ANK3: variants seen among roughly 807,000 people sequenced by gnomAD.
ANK3 encodes ankyrin-3.
ANK3 carries 57 observed loss-of-function variants against 370.9 expected under a neutral mutation model. That is an observed-to-expected ratio of 0.15 (90% CI 0.12 to 0.19). The LOEUF (loss-of-function observed/expected upper bound fraction) is 0.19. Ranked by LOEUF, ANK3 falls within the 10% of genes least tolerant of loss-of-function variation. ANK3 has a pLI of 1.00. For synonymous variants in ANK3, 1,929 were observed against 1,946.3 expected (o/e 0.99, Z 0.23); for missense variants, 4,439 against 5,302.1 (o/e 0.84, Z 5.06).
intron 2 of ANK3, among the ~76,000 whole-genome samples, chr10:60,493,079 CAAAAAA>C (rs1268736795): frequency 8.2e-6 from 1 of 121,564 alleles, no homozygotes. Flanking sequence ...GACTCCTTCT[CAAAAAA>C]AAAAAAAAAA....
At chr10:60,093,327 C>T (rs907963523) in intron 28 of ANK3, among the ~76,000 whole-genome samples, 1 of 152,222 alleles carries the variant, frequency 6.6e-6, no homozygotes, top group Non-Finnish European at 1.5e-5. Context: ...ACAAAGATGT[C>T]ATGTTCTCCT....
At chr10:60,731,168 C>A (rs1384260689) in intron 1 of ANK3, among the ~76,000 whole-genome samples, 1 of 151,962 alleles carries the variant, frequency 6.6e-6, no homozygotes, top group Admixed American at 6.6e-5. Flanking sequence ...TCTCAGTTAT[C>A]AACATATTAT....
At chr10:60,043,577 C>T (rs563251028) in intron 42 of ANK3, 42 of 985,264 alleles carry the variant, frequency 4.3e-5, no homozygotes, top group East Asian at 1.1e-4. Context: ...CCTCCTCAGA[C>T]GAAGATGGAG....
At chr10:60,428,092 C>G (rs536932844) in intron 2 of ANK3, among the ~76,000 whole-genome samples, 47 of 152,234 alleles carry the variant, frequency 3.1e-4, no homozygotes, top group African/African-American at 1.1e-3. Context: ...TTCTAATACC[C>G]AATTCTGAAA....
intron 2 of ANK3, among the ~76,000 whole-genome samples, chr10:60,561,667 A>C (rs1201204938): frequency 1.3e-5 from 2 of 152,224 alleles, no homozygotes; most frequent in African/African-American, 4.8e-5. Context: ...AAATCTTTAA[A>C]GTTCATGCCA....
intron 2 of ANK3, among the ~76,000 whole-genome samples, chr10:60,470,720 A>G (rs2065196862): frequency 6.6e-6 from 1 of 152,168 alleles, no homozygotes; most frequent in Admixed American, 6.6e-5. Flanking sequence ...AAAGAACCAC[A>G]CAGACCAATA....
intron 1 of ANK3, among the ~76,000 whole-genome samples, chr10:60,712,913 C>G (rs1482524181): frequency 6.6e-6 from 1 of 152,068 alleles, no homozygotes; most frequent in Admixed American, 6.6e-5. Flanking sequence ...GAAGACATAA[C>G]TATTAATATG....
intron 2 of ANK3, chr10:60,572,564 T>C (rs1353627058): frequency 2.0e-6 from 3 of 1,530,084 alleles, no homozygotes. Flanking sequence ...AAAAGACAGA[T>C]CACCGCCGGT....
chr10:60,300,380 A>G (rs2132797095), intron 1 of ANK3: 3 of 1,289,798 alleles, frequency 2.3e-6, no homozygotes, highest in African/African-American at 3.0e-5. Context: ...AAGAAACCTG[A>G]TAACTCAATT....
intron 1 of ANK3, among the ~76,000 whole-genome samples, chr10:60,367,034 A>C (rs1387671458): frequency 6.6e-6 from 1 of 152,214 alleles, no homozygotes; most frequent in Non-Finnish European, 1.5e-5. Flanking sequence ...CTCCTTTCCC[A>C]ACATCGTTCT....
At chr10:60,470,675 G>A (rs973562326) in intron 2 of ANK3, among the ~76,000 whole-genome samples, 3 of 152,016 alleles carry the variant, frequency 2.0e-5, no homozygotes, top group Non-Finnish European at 2.9e-5. Context: ...CCAAAGCCCC[G>A]CTCTTACTGC....
At chr10:60,381,178 C>T (rs1361806929) in intron 1 of ANK3, among the ~76,000 whole-genome samples, 1 of 152,112 alleles carries the variant, frequency 6.6e-6, no homozygotes, top group East Asian at 1.9e-4. Flanking sequence ...AATACATAAA[C>T]TATATAATGA....
intron 28 of ANK3, among the ~76,000 whole-genome samples, chr10:60,090,428 T>A (rs2087979682): frequency 6.6e-6 from 1 of 152,034 alleles, no homozygotes; most frequent in South Asian, 2.1e-4. Context: ...AAGCATAATA[T>A]AAAAGGTAAT....
intron 13 of ANK3, among the ~76,000 whole-genome samples, chr10:60,199,814 G>C (rs1169225162): frequency 6.6e-6 from 1 of 152,124 alleles, no homozygotes; most frequent in Non-Finnish European, 1.5e-5. Flanking sequence ...TTGTGCATAA[G>C]CCCTTCTCCA....
At chr10:60,404,631 AT>A (rs1247164701) in intron 2 of ANK3, among the ~76,000 whole-genome samples, 1 of 152,174 alleles carries the variant, frequency 6.6e-6, no homozygotes, top group Non-Finnish European at 1.5e-5. Flanking sequence ...AGAAGAAAAC[AT>A]AGGAAAATAT....
intron 2 of ANK3, among the ~76,000 whole-genome samples, chr10:60,520,861 T>G (rs1042402160): frequency 3.3e-5 from 5 of 152,132 alleles, no homozygotes; most frequent in Non-Finnish European, 7.4e-5. Context: ...TTATACACAG[T>G]GACATGTTTC....
intron 5 of ANK3, among the ~76,000 whole-genome samples, chr10:60,268,005 T>C (rs1027187749): frequency 1.3e-5 from 2 of 152,144 alleles, no homozygotes; most frequent in Non-Finnish European, 2.9e-5. Context: ...AGTTTGTTCT[T>C]TTTTGTTTGT....
chr10:60,108,576 T>C (rs1176858769), intron 27 of ANK3, among the ~76,000 whole-genome samples: 5 of 152,138 alleles, frequency 3.3e-5, no homozygotes, highest in African/African-American at 7.2e-5. Flanking sequence ...CCACTGGGGT[T>C]CCGTGCACTT....
At chr10:60,367,206 C>A (rs938527656) in intron 1 of ANK3, among the ~76,000 whole-genome samples, 8 of 152,198 alleles carry the variant, frequency 5.3e-5, no homozygotes, top group Admixed American at 3.3e-4. Flanking sequence ...GACTGCCTTA[C>A]ATAACCGTTC....
Sources: gnomAD v4.1 joint callset for allele counts (sites outside exome capture counted in the v4.1 genomes callset) on GRCh38, gnomAD v4.1.1 for gene constraint, MANE v1.5 for transcripts, NCBI Gene and HGNC (gene_info 2026-07-23, HGNC 2026-07-21) for gene names.